The following SMIM35 variants were observed in gnomAD, a reference collection of about 807,000 sequenced individuals.
SMIM35 encodes the protein TMPRSS4 antisense RNA 1 (non-protein coding).
chr11:118,085,085 C>A (rs1164204553), intron 1 of SMIM35, among the ~76,000 whole-genome samples: 1 of 152,142 alleles, frequency 6.6e-6, no homozygotes, highest in Non-Finnish European at 1.5e-5. Flanking sequence ...AGGTGGCGCA[C>A]CTTACAGAAT....
At chr11:118,025,785 C>T (rs1232435940) in intron 1 of SMIM35, 9 of 447,410 alleles carry the variant, frequency 2.0e-5, no homozygotes, top group Non-Finnish European at 3.6e-5. Flanking sequence ...GTGCAGAAGC[C>T]CTTTAGTTTA....
intron 1 of SMIM35, among the ~76,000 whole-genome samples, chr11:118,018,715 G>A (rs1260842245): frequency 6.6e-6 from 1 of 152,200 alleles, no homozygotes; most frequent in Non-Finnish European, 1.5e-5. Context: ...GGTGAGGGAA[G>A]GAGATGTTAT....
intron 1 of SMIM35, among the ~76,000 whole-genome samples, chr11:118,074,102 G>A (rs1006638782): frequency 6.6e-5 from 10 of 152,138 alleles, no homozygotes; most frequent in African/African-American, 1.9e-4. Flanking sequence ...GAAAAAGCAC[G>A]TCAAAGAAAT....
At chr11:118,007,499 G>A (rs2058128274) in intron 4 of SMIM35, among the ~76,000 whole-genome samples, 1 of 152,008 alleles carries the variant, frequency 6.6e-6, no homozygotes, top group Admixed American at 6.5e-5. Context: ...GGGTTCAAGA[G>A]ATTCCCCTGC....
intron 1 of SMIM35, among the ~76,000 whole-genome samples, chr11:118,017,739 AGTTC>A (rs2058194782): frequency 1.4e-5 from 2 of 141,000 alleles, no homozygotes; most frequent in African/African-American, 6.2e-5. Flanking sequence ...ATTGACTCAC[AGTTC>A]AGCATGGCTG....
chr11:118,017,394 G>A (rs537226940), intron 1 of SMIM35, among the ~76,000 whole-genome samples: 6 of 152,326 alleles, frequency 3.9e-5, no homozygotes, highest in Admixed American at 3.9e-4. Flanking sequence ...ACCTTGAAGA[G>A]TTGCTGTCAT....
chr11:118,017,130 C>A (rs1030371684), intron 1 of SMIM35, among the ~76,000 whole-genome samples: 1 of 152,252 alleles, frequency 6.6e-6, no homozygotes, highest in South Asian at 2.1e-4. Flanking sequence ...ACAAGAATTA[C>A]CCTCCTCATC....
intron 1 of SMIM35, among the ~76,000 whole-genome samples, chr11:118,037,367 A>C (rs547846878): frequency 5.9e-5 from 9 of 152,192 alleles, no homozygotes; most frequent in Non-Finnish European, 1.3e-4. Flanking sequence ...CAAGGAGGTT[A>C]AGATACAGGG....
intron 1 of SMIM35, among the ~76,000 whole-genome samples, chr11:118,030,889 C>T (rs2058313533): frequency 6.6e-6 from 1 of 151,458 alleles, no homozygotes; most frequent in African/African-American, 2.4e-5. Flanking sequence ...CCCAACAGGG[C>T]AAAAAGAAAG....
intron 1 of SMIM35, among the ~76,000 whole-genome samples, chr11:118,035,396 G>A (rs2058351476): frequency 6.6e-6 from 1 of 152,180 alleles, no homozygotes; most frequent in Non-Finnish European, 1.5e-5. Flanking sequence ...CCCTGTACTA[G>A]ACACTGGGCA....
chr11:118,023,791 G>T (rs2058251664), intron 1 of SMIM35, among the ~76,000 whole-genome samples: 1 of 152,144 alleles, frequency 6.6e-6, no homozygotes, highest in Non-Finnish European at 1.5e-5. Flanking sequence ...CCAGCACTTT[G>T]GGAGGCCAAG....
chr11:118,032,059 G>C (rs911552252), intron 1 of SMIM35: 1 of 152,154 alleles, frequency 6.6e-6, no homozygotes, highest in Non-Finnish European at 1.5e-5. Flanking sequence ...TTGAGCCCAG[G>C]AGACAGAGAT....
chr11:118,029,995 T>C (rs1366166658), intron 1 of SMIM35: 3 of 345,248 alleles, frequency 8.7e-6, no homozygotes, highest in East Asian at 8.1e-5. Context: ...TGGTTATCCA[T>C]GCAGAAATAT....
intron 1 of SMIM35, among the ~76,000 whole-genome samples, chr11:118,053,301 C>A (rs1168837911): frequency 3.0e-5 from 4 of 132,384 alleles, no homozygotes; most frequent in Non-Finnish European, 4.7e-5. Context: ...GAGCAAGACT[C>A]TCTAAAACAC....
At chr11:118,028,182 G>A (rs1215855394) in intron 1 of SMIM35, among the ~76,000 whole-genome samples, 1 of 152,140 alleles carries the variant, frequency 6.6e-6, no homozygotes, top group Non-Finnish European at 1.5e-5. Flanking sequence ...TATGACTGGA[G>A]CAGTAGGGAG....
chr11:118,072,963 C>T (rs889988400), intron 1 of SMIM35, among the ~76,000 whole-genome samples: 1 of 152,248 alleles, frequency 6.6e-6, no homozygotes, highest in Admixed American at 6.5e-5. Flanking sequence ...CTCTGTCACC[C>T]AGGCTGGAGT....
At chr11:118,027,038 T>TTTTTTTTTTTTG (rs2058280413) in intron 1 of SMIM35, among the ~76,000 whole-genome samples, 1 of 144,612 alleles carries the variant, frequency 6.9e-6, no homozygotes, top group Non-Finnish European at 1.5e-5. Flanking sequence ...TTTTTTTTTT[T>TTTTTTTTTTTTG]GAGACGGAGT....
intron 1 of SMIM35, among the ~76,000 whole-genome samples, chr11:118,035,990 C>T (rs550806047): frequency 4.7e-4 from 71 of 152,280 alleles, no homozygotes; most frequent in African/African-American, 1.5e-3. Flanking sequence ...TGGGTTCCAG[C>T]GATTCTTCTG....
At chr11:118,024,360 C>A (rs985323513) in intron 1 of SMIM35, among the ~76,000 whole-genome samples, 1 of 152,136 alleles carries the variant, frequency 6.6e-6, no homozygotes, top group African/African-American at 2.4e-5. Flanking sequence ...TTAACTAAAC[C>A]ATATGTATAG....
Sources: allele counts gnomAD v4.1 joint callset (sites outside exome capture counted in the v4.1 genomes callset), GRCh38; gene constraint gnomAD v4.1.1; transcripts MANE v1.5; gene names NCBI Gene and HGNC (gene_info 2026-07-23, HGNC 2026-07-21).